Variants in PGBD2 observed in about 807,000 individuals in gnomAD.
PGBD2 encodes piggyBac transposable element-derived protein 2.
Under a neutral mutation model 8.1 loss-of-function variants are expected in PGBD2, and 6 were observed. That is an observed-to-expected ratio of 0.74 (90% CI 0.40 to 1.46). The LOEUF is 1.46. PGBD2 is among the 40% of genes most tolerant of loss of function. The probability of loss-of-function intolerance (pLI) is 0.02; values close to 1 mark genes in which losing one functional copy is unlikely to be tolerated. For synonymous variants in PGBD2, 318 were observed against 272.2 expected, an observed-to-expected ratio of 1.17 and a Z score of -1.66; for missense variants, 802 against 739.0, an observed-to-expected ratio of 1.09 and a Z score of -0.99.
At chr1:248,927,005 T>C in the PGBD2 span, among the ~76,000 whole-genome samples, 3 of 152,180 alleles carry the variant, frequency 2.0e-5, no homozygotes, top group Non-Finnish European at 2.9e-5. Flanking sequence ...TAGTGGAGTC[T>C]GAAGTTGTCA....
At chr1:248,874,381 T>G in the PGBD2 span, among the ~76,000 whole-genome samples, 1 of 152,328 alleles carries the variant, frequency 6.6e-6, no homozygotes, top group East Asian at 1.9e-4. Context: ...CAGAGTCAGC[T>G]ATGACTTGAC....
the PGBD2 span, among the ~76,000 whole-genome samples, chr1:248,872,883 G>A: frequency 6.6e-6 from 1 of 152,200 alleles, no homozygotes; most frequent in Non-Finnish European, 1.5e-5. Flanking sequence ...GCGCCCGGCT[G>A]CATGACATAT....
the PGBD2 span, among the ~76,000 whole-genome samples, chr1:248,880,712 A>C: frequency 6.6e-6 from 1 of 152,142 alleles, no homozygotes; most frequent in African/African-American, 2.4e-5. Context: ...TAAAACTGTT[A>C]GTCTTTGTTC....
intron 1 of PGBD2, chr1:248,906,550 CGGAGGCCGG>C (rs1392977180): frequency 2.4e-5 from 3 of 126,470 alleles, no homozygotes; most frequent in African/African-American, 8.9e-5. Flanking sequence ...GGTGCGAGGC[CGGAGGCCGG>C]GCCGGCTGAG....
At chr1:248,875,088 G>C in the PGBD2 span, among the ~76,000 whole-genome samples, 2 of 152,012 alleles carry the variant, frequency 1.3e-5, no homozygotes, top group Non-Finnish European at 2.9e-5. Context: ...ACGAGGTCAG[G>C]AGATCGAGAC....
chr1:248,924,877 C>T (rs1662352697), downstream of PGBD2, among the ~76,000 whole-genome samples: 1 of 152,132 alleles, frequency 6.6e-6, no homozygotes, highest in African/African-American at 2.4e-5. Flanking sequence ...CAGCAAGTGC[C>T]ACACAAATAT....
the PGBD2 span, among the ~76,000 whole-genome samples, chr1:248,926,290 AAAT>A: frequency 1.3e-5 from 2 of 152,194 alleles, no homozygotes; most frequent in East Asian, 3.8e-4. Flanking sequence ...ATAATAATGT[AAAT>A]AATTTTACAT....
chr1:248,874,310 G>C, the PGBD2 span, among the ~76,000 whole-genome samples: 2 of 152,270 alleles, frequency 1.3e-5, no homozygotes, highest in East Asian at 3.9e-4. Flanking sequence ...TTCGATTCCC[G>C]GTCAGGAAAG....
chr1:248,887,361 C>G, the PGBD2 span, among the ~76,000 whole-genome samples: 5 of 152,018 alleles, frequency 3.3e-5, no homozygotes, highest in East Asian at 9.6e-4. Context: ...CTTTTTTGAC[C>G]TGGACGCTTT....
chr1:248,909,460 T>A (rs1661784866), intron 1 of PGBD2, among the ~76,000 whole-genome samples: 1 of 152,072 alleles, frequency 6.6e-6, no homozygotes. Flanking sequence ...CAAAGCCAAA[T>A]AGTAAAGATG....
the PGBD2 span, among the ~76,000 whole-genome samples, chr1:248,926,120 G>A: frequency 6.6e-6 from 1 of 151,930 alleles, no homozygotes; most frequent in Non-Finnish European, 1.5e-5. Context: ...GCTGTTCTCT[G>A]TGGAGCTGAA....
chr1:248,873,111 G>A, the PGBD2 span, among the ~76,000 whole-genome samples: 1 of 152,222 alleles, frequency 6.6e-6, no homozygotes, highest in East Asian at 1.9e-4. Context: ...GACACTCGAT[G>A]TTAAGATTCA....
At chr1:248,882,754 G>C in the PGBD2 span, among the ~76,000 whole-genome samples, 1 of 152,148 alleles carries the variant, frequency 6.6e-6, no homozygotes, top group Admixed American at 6.5e-5. Flanking sequence ...CTGACCGCAC[G>C]TCCATTCATA....
At chr1:248,876,733 C>T in the PGBD2 span, among the ~76,000 whole-genome samples, 2 of 152,152 alleles carry the variant, frequency 1.3e-5, no homozygotes, top group African/African-American at 4.8e-5. Context: ...GTGTTTCCCA[C>T]CAGTCAATTG....
At chr1:248,892,920 T>C in the PGBD2 span, among the ~76,000 whole-genome samples, 1 of 152,232 alleles carries the variant, frequency 6.6e-6, no homozygotes, top group African/African-American at 2.4e-5. Flanking sequence ...CCTTCCCTGG[T>C]TGACAATTGT....
At chr1:248,928,071 G>T in the PGBD2 span, among the ~76,000 whole-genome samples, 1 of 152,034 alleles carries the variant, frequency 6.6e-6, no homozygotes, top group South Asian at 2.1e-4. Flanking sequence ...TTTTTTGTGG[G>T]TTTTTGTTGT....
At chr1:248,905,266 G>C (rs1167092219), upstream of PGBD2, among the ~76,000 whole-genome samples, 1 of 152,202 alleles carries the variant, frequency 6.6e-6, no homozygotes, top group Non-Finnish European at 1.5e-5. Context: ...GTGTGGAGAA[G>C]CAAATACAAA....
At chr1:248,912,835 C>T (rs1171502587) in intron 1 of PGBD2, 2 of 145,196 alleles carry the variant, frequency 1.4e-5, no homozygotes, top group East Asian at 2.0e-4. Flanking sequence ...TGGGGTTTCA[C>T]TCCTGTTGCC....
the PGBD2 span, among the ~76,000 whole-genome samples, chr1:248,875,308 CAAAAAA>C: frequency 4.5e-5 from 5 of 110,266 alleles, no homozygotes; most frequent in African/African-American, 1.3e-4. Flanking sequence ...AAAAACAAAA[CAAAAAA>C]AAAAAAAAAA....
Sources: gnomAD v4.1 joint callset for allele counts (sites outside exome capture counted in the v4.1 genomes callset) on GRCh38, gnomAD v4.1.1 for gene constraint, MANE v1.5 for transcripts, NCBI Gene and HGNC (gene_info 2026-07-23, HGNC 2026-07-21) for gene names.